Variants in SRSF12 observed in about 807,000 individuals in gnomAD.
SRSF12 encodes the protein serine and arginine rich splicing factor 12.
In SRSF12, 21 loss-of-function variants were observed where a neutral mutation model predicts 34.1. That is an observed-to-expected ratio of 0.62 (90% CI 0.44 to 0.89). SRSF12 has a LOEUF of 0.89. SRSF12 is among the 40% of genes least tolerant of loss of function. SRSF12 has a pLI of 0.00. For synonymous variants in SRSF12, 111 were observed against 110.8 expected, an observed-to-expected ratio of 1.00 and a Z score of -0.01; for missense variants, 278 against 327.8, an observed-to-expected ratio of 0.85 and a Z score of 1.17.
At chr6:89,106,986 C>G in intron 2 of SRSF12, 168 bp downstream of exon 2, 2 of 724,306 alleles carry the variant, frequency 2.8e-6, no homozygotes, top group Non-Finnish European at 4.8e-6. Context: ...TTGGTTCAAA[C>G]TGGGGGGTGC....
At chr6:89,106,976 T>A (rs1473390557) in intron 2 of SRSF12, 178 bp downstream of exon 2, 1 of 664,538 alleles carries the variant, frequency 1.5e-6, no homozygotes, top group Non-Finnish European at 2.7e-6. Context: ...AGCTAACAGG[T>A]TGGTTCAAAC....
Position 89,098,273 on chromosome 6 carries a change from C to A in SRSF12, c.*305G>T. 1 of 244,634 alleles carries A rather than the reference C, an allele frequency of 4.1e-6. No individual in the cohort carries two copies. The highest frequency in any genetic ancestry group is 7.9e-6 in the Non-Finnish European group (1 of 126,244). The allele number at this position is 244,634 out of a possible 1,614,324, so 15.2% of individuals were successfully genotyped here. A position where few individuals can be genotyped will look rare whatever the true frequency, so the allele number is the denominator to read the frequency against. ...TATTATTAATAGTACTAATACTATGCAAGTAGAATTTTAAAAATTAGTTCC... is the reference window on the plus strand; with the variant it reads ...TATTATTAATAGTACTAATACTATGAAAGTAGAATTTTAAAAATTAGTTCC... On this transcript the variant is annotated 3_prime_UTR_variant, in exon 5 of 5. Coordinates refer to ENST00000452027, the MANE Select transcript of SRSF12 (RefSeq NM_080743.5).
intron 4 of SRSF12, among the ~76,000 whole-genome samples, chr6:89,099,476 A>G (rs12524720): frequency 0.66 from 91,140 of 138,756 alleles, 30,937 homozygotes; most frequent in East Asian, 0.78. Context: ...GTGTGTATAT[A>G]TATATGTGTG....
chr6:89,099,065 T>A, intron 4 of SRSF12, 118 bp from the exon 5 acceptor site: 1 of 1,238,794 alleles, frequency 8.1e-7, no homozygotes, highest in Non-Finnish European at 1.1e-6. Context: ...CTAGATAAGC[T>A]AAAAAAATTT....
intron 1 of SRSF12, among the ~76,000 whole-genome samples, chr6:89,108,098 C>T (rs1192842934): frequency 6.6e-6 from 1 of 152,178 alleles, no homozygotes; most frequent in Non-Finnish European, 1.5e-5. Context: ...AAAGTAACTA[C>T]TGTATTCCCA....
rs543172142 is a variant in SRSF12, at chr6:89,098,764, A to G, written c.600T>C (p.Pro200=). The change falls in exon 5 of 5, where the codon CCT becomes CCC. Residue 200 remains proline (P), a synonymous_variant. Coordinates refer to ENST00000452027, the MANE Select transcript of SRSF12 (RefSeq NM_080743.5). ...TTGTTCCTGAGCTAGTCTGCTTTTG[A>G]GGTGAACTTGACTGTGATTTTCCTA... is the stretch of plus-strand genomic sequence containing the variant. The part of the protein sequence containing the change: ...KSIGKSQSSS[P]QKQTSSGTKS... The G allele has an allele frequency of 6.2e-7, 1 of 1,613,950 alleles. No homozygotes were observed. Among genetic ancestry groups the G allele is most frequent in the South Asian group, 1.1e-5 (1 of 91,086 alleles).
At chr6:89,112,942 G>A (rs971069180) in intron 1 of SRSF12, among the ~76,000 whole-genome samples, 7 of 151,908 alleles carry the variant, frequency 4.6e-5, no homozygotes, top group Non-Finnish European at 8.8e-5. Flanking sequence ...AATTGCCTGC[G>A]GTATTCAGTA....
intron 2 of SRSF12, 169 bp from the exon 3 acceptor site, chr6:89,105,699 G>T: frequency 2.3e-6 from 1 of 436,280 alleles, no homozygotes; most frequent in Non-Finnish European, 4.0e-6. Context: ...TTTTTCTCAT[G>T]AAAACAAATG....
At chr6:89,110,334 C>G (rs1003635304) in intron 1 of SRSF12, among the ~76,000 whole-genome samples, 1 of 152,178 alleles carries the variant, frequency 6.6e-6, no homozygotes, top group Non-Finnish European at 1.5e-5. Context: ...AAGCAAGCCA[C>G]TCAAGTGCAT....
intron 4 of SRSF12, among the ~76,000 whole-genome samples, chr6:89,102,963 C>T (rs1188592533): frequency 6.6e-6 from 1 of 152,124 alleles, no homozygotes; most frequent in Non-Finnish European, 1.5e-5. Flanking sequence ...GGGGGTCTCA[C>T]TATGTTGCCC....
In SRSF12 at chr6:89,117,839, C is replaced by G. The variant is rs763943663; in HGVS notation, c.49G>C (p.Val17Leu). The G allele has an allele frequency of 1.3e-6, 2 of 1,559,342 alleles. No homozygotes were observed. The highest frequency in any genetic ancestry group is 2.3e-5 in the South Asian group (2 of 85,884). Residue 17 changes from valine (V) to leucine (L), a missense_variant, in exon 1 of 5, where the codon GTC becomes CTC. Transcript: ENST00000452027. Reference protein sequence around the residue: ...PPNTSLFIRNVADATRPEDLR... With the variant: ...PPNTSLFIRNLADATRPEDLR... ...GCCGTTCACCTGGTGGCGTCCGCGA[C>G]GTTCCTGATGAACAGGGAGGTGTTG...
Position 89,117,840 on chromosome 6 carries a change from G to A in SRSF12, c.48C>T (p.Asn16=). The A allele has an allele frequency of 1.3e-6, 2 of 1,559,232 alleles. No homozygotes were observed. The highest frequency in any genetic ancestry group is 1.7e-6 in the Non-Finnish European group (2 of 1,155,108). ...CCGTTCACCTGGTGGCGTCCGCGAC[G>A]TTCCTGATGAACAGGGAGGTGTTGG... ...RPPNTSLFIR[N]VADATRPEDL... is the part of the protein sequence containing the mutation. The change falls in exon 1 of 5, where the codon AAC becomes AAT. Residue 16 remains asparagine (N), a synonymous_variant. Coordinates refer to ENST00000452027, the MANE Select transcript of SRSF12 (RefSeq NM_080743.5).
intron 2 of SRSF12, chr6:89,106,748 G>C (rs1447773756): frequency 3.0e-6 from 1 of 332,560 alleles, no homozygotes; most frequent in Non-Finnish European, 6.0e-6. Context: ...CTTTATAAGA[G>C]ACGCAGAACC....
At chr6:89,109,869 A>G (rs962007680) in intron 1 of SRSF12, among the ~76,000 whole-genome samples, 1 of 152,184 alleles carries the variant, frequency 6.6e-6, no homozygotes, top group Non-Finnish European at 1.5e-5. Flanking sequence ...AGGTGGGCGG[A>G]TTACGAGGTC....
intron 4 of SRSF12, among the ~76,000 whole-genome samples, chr6:89,100,439 T>C (rs1768488559): frequency 6.6e-6 from 1 of 152,010 alleles, no homozygotes; most frequent in Non-Finnish European, 1.5e-5. Flanking sequence ...CAGTACTCTG[T>C]CTACCAGAAG....
intron 1 of SRSF12, 136 bp from the exon 2 acceptor site, chr6:89,107,394 A>G: frequency 1.5e-6 from 1 of 661,734 alleles, no homozygotes; most frequent in Non-Finnish European, 2.6e-6. Flanking sequence ...TTTTTGTAAG[A>G]ATCATGCAAG....
intron 4 of SRSF12, among the ~76,000 whole-genome samples, chr6:89,099,403 CAT>C (rs199581480): frequency 1.1e-5 from 1 of 88,330 alleles, no homozygotes; most frequent in Admixed American, 1.0e-4. Flanking sequence ...TCTCTCTCTC[CAT>C]ATATATATAC....
intron 1 of SRSF12, among the ~76,000 whole-genome samples, chr6:89,116,492 T>C (rs1489829517): frequency 6.6e-6 from 1 of 152,178 alleles, no homozygotes; most frequent in East Asian, 1.9e-4. Flanking sequence ...AAAAAATACT[T>C]GGCCGGGCAC....
chr6:89,104,085 C>T (rs1768670996), intron 4 of SRSF12, among the ~76,000 whole-genome samples: 1 of 147,636 alleles, frequency 6.8e-6, no homozygotes, highest in Non-Finnish European at 1.5e-5. Flanking sequence ...GATACTCCCA[C>T]CTCAGCCTCC....
Sources: gnomAD v4.1 joint callset for allele counts (sites outside exome capture counted in the v4.1 genomes callset) on GRCh38, gnomAD v4.1.1 for gene constraint, MANE v1.5 for transcripts, NCBI Gene and HGNC (gene_info 2026-07-23, HGNC 2026-07-21) for gene names.